Variants in COL23A1 observed in about 807,000 individuals in gnomAD.
COL23A1 encodes the protein collagen type XXIII alpha 1 chain.
COL23A1 carries 97 observed loss-of-function variants against 99.3 expected under a neutral mutation model. The observed-to-expected ratio is 0.98, with a 90% CI of 0.83 to 1.16. The LOEUF is 1.16. Ranked by LOEUF, COL23A1 falls within the 50% of genes most tolerant of loss-of-function variation. The probability of loss-of-function intolerance (pLI) is 0.00; values close to 1 mark genes in which losing one functional copy is unlikely to be tolerated. For missense variants in COL23A1, 762 were observed against 757.4 expected (o/e 1.01, Z -0.07); for synonymous variants, 320 against 308.2 (o/e 1.04, Z -0.40).
chr5:178,266,786 C>G (rs1431205202), intron 8 of COL23A1, among the ~76,000 whole-genome samples: 2 of 152,250 alleles, frequency 1.3e-5, no homozygotes, highest in African/African-American at 4.8e-5. Context: ...CCAGCTCTGA[C>G]CACAAGCTGC....
At chr5:178,293,230 C>T (rs1051304309) in intron 3 of COL23A1, among the ~76,000 whole-genome samples, 9 of 151,438 alleles carry the variant, frequency 5.9e-5, no homozygotes, top group Non-Finnish European at 1.0e-4. Flanking sequence ...AGAGAGGATT[C>T]GGTGTGGGGG....
intron 5 of COL23A1, among the ~76,000 whole-genome samples, chr5:178,271,446 G>C (rs927979777): frequency 6.6e-6 from 1 of 152,172 alleles, no homozygotes; most frequent in African/African-American, 2.4e-5. Context: ...AAGCCTTCTA[G>C]GGTTTTCTCC....
rs189793454 is a variant in COL23A1, at chr5:178,239,276, G to A, written c.1582-97C>T. The A allele has an allele frequency of 2.7e-3, 3,796 of 1,419,012 alleles. 16 individuals are homozygous for A. The highest frequency in any genetic ancestry group is 3.3e-3 in the Non-Finnish European group (3,266 of 1,004,536). The allele number at this position is 1,419,012 out of a possible 1,614,324, so 87.9% of individuals were successfully genotyped here. ...CTGGTCTGTAGGGAGGTGCAGGCCA[G>A]GGAGCGGCCATGTGAGACTGCTGGG... On this transcript the variant is annotated intron_variant, in intron 27 of 28. Transcript: ENST00000390654.
chr5:178,244,019 G>T (rs1764544331), intron 25 of COL23A1, among the ~76,000 whole-genome samples: 1 of 152,106 alleles, frequency 6.6e-6, no homozygotes, highest in African/African-American at 2.4e-5. Context: ...TCACTCTGTT[G>T]CCCAGGCTGG....
At chr5:178,304,748 G>A (rs921215484) in intron 3 of COL23A1, among the ~76,000 whole-genome samples, 1 of 152,176 alleles carries the variant, frequency 6.6e-6, no homozygotes. Context: ...ATGAGGGGGA[G>A]GGATCCTGCC....
chr5:178,264,257 T>C (rs1268468627), intron 8 of COL23A1, among the ~76,000 whole-genome samples: 3 of 151,790 alleles, frequency 2.0e-5, no homozygotes, highest in Admixed American at 6.6e-5. Flanking sequence ...GATGTCACCA[T>C]TGGGGGAGAC....
chr5:178,269,591 AATCCATCCATCC>A (rs535673246), intron 6 of COL23A1, among the ~76,000 whole-genome samples: 12 of 90,702 alleles, frequency 1.3e-4, no homozygotes, highest in South Asian at 5.6e-4. Flanking sequence ...CTCATCCATC[AATCCATCCATCC>A]ATCCATCCAT....
intron 2 of COL23A1, chr5:178,351,875 T>G (rs1433104557): frequency 6.6e-6 from 1 of 152,116 alleles, no homozygotes; most frequent in African/African-American, 2.4e-5. Context: ...ACTGGCGCTC[T>G]TATAAGAAGA....
intron 2 of COL23A1, among the ~76,000 whole-genome samples, chr5:178,461,931 G>A (rs1204361628): frequency 6.6e-6 from 1 of 152,244 alleles, no homozygotes; most frequent in Non-Finnish European, 1.5e-5. Flanking sequence ...TCAGGGAAGA[G>A]GCGGATGAGT....
chr5:178,404,141 C>T (rs928887813), intron 2 of COL23A1, among the ~76,000 whole-genome samples: 4 of 152,222 alleles, frequency 2.6e-5, no homozygotes, highest in Admixed American at 6.5e-5. Context: ...CAGCCATTCG[C>T]GGAGCGCCTA....
At chr5:178,524,840 G>A (rs566346135) in intron 2 of COL23A1, among the ~76,000 whole-genome samples, 166 of 152,234 alleles carry the variant, frequency 1.1e-3, no homozygotes, top group African/African-American at 3.6e-3. Flanking sequence ...TCACACACTC[G>A]CTCACTCACT....
chr5:178,374,844 C>A (rs1762986872), intron 2 of COL23A1, among the ~76,000 whole-genome samples: 1 of 152,276 alleles, frequency 6.6e-6, no homozygotes, highest in East Asian at 1.9e-4. Flanking sequence ...CAGAGTTACC[C>A]TGAGACTCAG....
At position 178,434,969 on chromosome 5, in the gene COL23A1, G is replaced by T. The variant is rs1036423736; in HGVS notation, c.361+125713C>A. On this transcript the variant is annotated intron_variant, in intron 2 of 28. Transcript: ENST00000390654. This position sits in a 1 kb window ranked among gnomAD's most constrained non-coding sequence, Gnocchi z 4.3. ...ACTGTGTTTCCCAGGGGCCTCTGCT[G>T]CAAGGGAGGGGGTCGGCACCCGTCC... is the stretch of plus-strand genomic sequence containing the variant. 1.3e-5 allele frequency among the ~76,000 whole-genome samples: 2 copies of T among 152,148 alleles called. No homozygotes were observed. The highest frequency in any genetic ancestry group is 2.1e-4 in the South Asian group (1 of 4,828).
At chr5:178,523,342 G>A (rs7379734) in intron 2 of COL23A1, among the ~76,000 whole-genome samples, 51,580 of 139,482 alleles carry the variant, frequency 0.37, 10,552 homozygotes, top group Admixed American at 0.49. Context: ...CACGAGAATC[G>A]CTTGAACCTG....
chr5:178,579,561 C>G (rs1014941355), intron 1 of COL23A1, among the ~76,000 whole-genome samples: 1 of 152,160 alleles, frequency 6.6e-6, no homozygotes, highest in African/African-American at 2.4e-5. Context: ...TCAAGAGATT[C>G]TCCTGCCTCA....
chr5:178,455,367 G>A (rs1192018495), intron 2 of COL23A1, among the ~76,000 whole-genome samples: 3 of 152,206 alleles, frequency 2.0e-5, no homozygotes, highest in Non-Finnish European at 2.9e-5. Flanking sequence ...TGGGAGGGCT[G>A]CCCGCCTGAC....
intron 12 of COL23A1, among the ~76,000 whole-genome samples, chr5:178,259,048 C>T (rs1765490419): frequency 6.6e-6 from 1 of 151,822 alleles, no homozygotes; most frequent in Non-Finnish European, 1.5e-5. Flanking sequence ...TCCAGAGTAG[C>T]TGGGATTATA....
intron 5 of COL23A1, among the ~76,000 whole-genome samples, chr5:178,271,329 C>T (rs1316578799): frequency 1.3e-5 from 2 of 152,180 alleles, no homozygotes; most frequent in Non-Finnish European, 2.9e-5. Context: ...GCCGCAGCAA[C>T]GATGCACACA....
chr5:178,553,213 G>A (rs1762101744), intron 2 of COL23A1, among the ~76,000 whole-genome samples: 4 of 149,334 alleles, frequency 2.7e-5, no homozygotes, highest in Non-Finnish European at 5.9e-5. Context: ...TGTGCCCTTC[G>A]CTAGGCTCTT....
Sources: gnomAD v4.1 joint callset for allele counts (sites outside exome capture counted in the v4.1 genomes callset) on GRCh38, gnomAD v4.1.1 for gene constraint, Gnocchi (gnomAD v3.1) non-coding constraint, MANE v1.5 for transcripts, NCBI Gene and HGNC (gene_info 2026-07-23, HGNC 2026-07-21) for gene names.